The following WFDC9 variants were observed in gnomAD, a reference collection of about 807,000 sequenced individuals.
The protein encoded by WFDC9 is protein WFDC9.
WFDC9 carries 9 observed loss-of-function variants against 9.5 expected under a neutral mutation model. The ratio of observed to expected loss-of-function variants is 0.95; its 90% CI spans 0.57 to 1.65. The LOEUF (loss-of-function observed/expected upper bound fraction) is 1.65, where lower values mean the gene tolerates loss of function less well. Ranked by LOEUF, WFDC9 falls within the 40% of genes most tolerant of loss-of-function variation. WFDC9 has a pLI of 0.00. For missense variants in WFDC9, 87 were observed against 106.7 expected, an observed-to-expected ratio of 0.82 and a Z score of 0.81; for synonymous variants, 33 against 32.3, an observed-to-expected ratio of 1.02 and a Z score of -0.07.
chr20:45,608,777 C>G lies in WFDC9; in HGVS notation c.125G>C (p.Trp42Ser). ...LDMIRETEQC[W>S]VQPPYKYCEK... ...ACAGTACTTATATGGAGGCTGTACC[C>G]AGCACTGCTCAGTTTCTCTTATCAT... Residue 42 changes from tryptophan (W) to serine (S), a missense_variant, in exon 4 of 5, where the codon TGG (tryptophan) becomes TCG (serine). Transcript: ENST00000326000. 1 of 1,613,552 alleles carries G rather than the reference C, an allele frequency of 6.2e-7. No homozygotes were observed. Among genetic ancestry groups the G allele is most frequent in the Non-Finnish European group, 8.5e-7 (1 of 1,179,696 alleles).
chr20:45,608,222 G>T, intron 4 of WFDC9, 82 bp from the exon 5 acceptor site: 1 of 1,446,450 alleles, frequency 6.9e-7, no homozygotes, highest in South Asian at 1.2e-5. Context: ...GGCCCCAGAT[G>T]AAAAAGGACA....
At chr20:45,615,193 T>C (rs1717862643) in intron 1 of WFDC9, among the ~76,000 whole-genome samples, 1 of 152,196 alleles carries the variant, frequency 6.6e-6, no homozygotes, top group Admixed American at 6.5e-5. Context: ...AAAAAGTAGA[T>C]GACCACCTAA....
chr20:45,630,270 G>A (rs557592559), intron 1 of WFDC9, among the ~76,000 whole-genome samples: 15 of 152,212 alleles, frequency 9.9e-5, no homozygotes, highest in Middle Eastern at 3.4e-3. Context: ...TGGTTATGAC[G>A]GTAGGTGTAG....
In WFDC9 at chr20:45,608,066, AGAT is replaced by A. The variant is rs1568650771; in HGVS notation, c.*41_*43del. On this transcript the variant is annotated 3_prime_UTR_variant, in exon 5 of 5. Coordinates refer to ENST00000326000, the MANE Select transcript of WFDC9 (RefSeq NM_147198.4). ...AAGTAGGCAGCACTCTTCTTAGACC[AGAT>A]GGTCATCCTTCAGCCCACAGTAGTG... 6.2e-7 allele frequency: 1 copy of A among 1,611,288 alleles called. No homozygotes were observed. Among genetic ancestry groups the A allele is most frequent in the African/African-American group, 1.3e-5 (1 of 74,942 alleles).
intron 2 of WFDC9, among the ~76,000 whole-genome samples, chr20:45,611,023 T>G (rs968030639): frequency 2.0e-5 from 3 of 152,222 alleles, no homozygotes; most frequent in Non-Finnish European, 2.9e-5. Flanking sequence ...AAGCGGCCTG[T>G]AGTAGCAGAG....
chr20:45,624,855 T>C (rs1320345647), intron 1 of WFDC9, among the ~76,000 whole-genome samples: 2 of 152,226 alleles, frequency 1.3e-5, no homozygotes, highest in African/African-American at 4.8e-5. Context: ...GTCATTTTTT[T>C]CATATATTTG....
At chr20:45,625,394 C>G (rs2145601990) in intron 1 of WFDC9, among the ~76,000 whole-genome samples, 1 of 152,296 alleles carries the variant, frequency 6.6e-6, no homozygotes, top group South Asian at 2.1e-4. Context: ...AATATTTTCT[C>G]TCATTCTGTA....
intron 1 of WFDC9, among the ~76,000 whole-genome samples, chr20:45,628,470 G>A (rs1439477110): frequency 6.6e-6 from 1 of 152,160 alleles, no homozygotes; most frequent in South Asian, 2.1e-4. Flanking sequence ...GGAAAATGCA[G>A]CTTCTATTTG....
chr20:45,618,578 A>G (rs1167734326), intron 1 of WFDC9, among the ~76,000 whole-genome samples: 2 of 152,168 alleles, frequency 1.3e-5, no homozygotes, highest in East Asian at 1.9e-4. Context: ...AATTGGCCCA[A>G]TTTCAATATT....
intron 1 of WFDC9, among the ~76,000 whole-genome samples, chr20:45,617,436 CA>C (rs1397609743): frequency 2.6e-5 from 4 of 152,162 alleles, no homozygotes; most frequent in African/African-American, 9.7e-5. Flanking sequence ...GCCTGGGTGA[CA>C]GAGCGAGACT....
At chr20:45,613,130 AT>A (rs1887468783) in intron 2 of WFDC9, among the ~76,000 whole-genome samples, 4 of 152,248 alleles carry the variant, frequency 2.6e-5, no homozygotes, top group Admixed American at 2.6e-4. Flanking sequence ...CATTTCAAGT[AT>A]TCAATGGTCA....
At chr20:45,613,654 C>T (rs1311652178) in intron 2 of WFDC9, among the ~76,000 whole-genome samples, 1 of 152,012 alleles carries the variant, frequency 6.6e-6, no homozygotes, top group South Asian at 2.1e-4. Flanking sequence ...AGAGTAGAAC[C>T]CCCACACACA....
intron 2 of WFDC9, among the ~76,000 whole-genome samples, chr20:45,610,931 T>C (rs560271632): frequency 7.9e-5 from 12 of 152,336 alleles, no homozygotes; most frequent in Admixed American, 4.6e-4. Flanking sequence ...TTGAGCTTGC[T>C]ATGTGATCCT....
chr20:45,611,559 A>G (rs1025050062), intron 2 of WFDC9, among the ~76,000 whole-genome samples: 3 of 152,210 alleles, frequency 2.0e-5, no homozygotes, highest in African/African-American at 7.2e-5. Context: ...CTCACATCAT[A>G]CAAGTCATGA....
chr20:45,625,804 A>ATT (rs1303424661), intron 1 of WFDC9, among the ~76,000 whole-genome samples: 3 of 42,956 alleles, frequency 7.0e-5, no homozygotes, highest in Admixed American at 2.5e-4. Flanking sequence ...TAGGTTCTCT[A>ATT]TTCTTTTTTT....
intron 1 of WFDC9, chr20:45,629,706 G>A: frequency 3.6e-6 from 5 of 1,377,270 alleles, no homozygotes; most frequent in Admixed American, 2.1e-5. Flanking sequence ...GAGGCAGTGA[G>A]GAGCTAAAGA....
At chr20:45,610,993 G>C (rs1981848702) in intron 2 of WFDC9, among the ~76,000 whole-genome samples, 1 of 152,144 alleles carries the variant, frequency 6.6e-6, no homozygotes, top group South Asian at 2.1e-4. Context: ...GACTTTAAAG[G>C]GTGACTTTAA....
Position 45,622,282 on chromosome 20 carries a change from A to G in WFDC9, c.-152-7561T>C, listed in dbSNP as rs540828622. ...TGGGTGATCTAATCTTTCTCTATAGAATATTTTAAAATTTATTTGTATTTG... is the reference window on the plus strand; with the variant it reads ...TGGGTGATCTAATCTTTCTCTATAGGATATTTTAAAATTTATTTGTATTTG... On this transcript the variant is annotated intron_variant, in intron 1 of 4. Transcript: ENST00000326000. Among the ~76,000 whole-genome samples, 8 of 152,264 alleles carry G rather than the reference A, an allele frequency of 5.3e-5. No homozygotes were observed. In the South Asian group the frequency reaches 1.7e-3, roughly 32 times the overall value.
intron 1 of WFDC9, among the ~76,000 whole-genome samples, chr20:45,617,310 C>T (rs916784054): frequency 1.3e-5 from 2 of 152,098 alleles, no homozygotes; most frequent in African/African-American, 4.8e-5. Flanking sequence ...CAAAAATTAG[C>T]CTGGCATGGT....
Sources: allele counts gnomAD v4.1 joint callset (sites outside exome capture counted in the v4.1 genomes callset), GRCh38; gene constraint gnomAD v4.1.1; transcripts MANE v1.5; gene names NCBI Gene and HGNC (gene_info 2026-07-23, HGNC 2026-07-21).